Variants in UNC93B1 observed in about 807,000 individuals in gnomAD.
The protein encoded by UNC93B1 is protein unc-93 homolog B1.
In UNC93B1, 33 loss-of-function variants were observed where a neutral mutation model predicts 56.8. That is an observed-to-expected ratio of 0.58 (90% CI 0.44 to 0.78). UNC93B1 has a LOEUF of 0.78. Ranked by LOEUF, UNC93B1 falls within the 30% of genes least tolerant of loss-of-function variation. The probability of loss-of-function intolerance (pLI) is 0.00; values close to 1 mark genes in which losing one functional copy is unlikely to be tolerated. For synonymous variants in UNC93B1, 334 were observed against 358.6 expected (o/e 0.93, Z 0.77); for missense variants, 673 against 819.5 (o/e 0.82, Z 2.18).
At chr11:68,001,779 CAGA>C (rs1217734152) in intron 3 of UNC93B1, among the ~76,000 whole-genome samples, 1 of 151,696 alleles carries the variant, frequency 6.6e-6, no homozygotes, top group East Asian at 1.9e-4. Flanking sequence ...ACCGTATCTG[CAGA>C]AGATGCTACC....
At position 68,003,262 on chromosome 11, in the gene UNC93B1, A is replaced by G; in HGVS notation, c.239-87T>C. 2 of 1,381,238 alleles carry G rather than the reference A, an allele frequency of 1.4e-6. No individual in the cohort carries two copies. Among genetic ancestry groups the G allele is most frequent in the Non-Finnish European group, 1.9e-6 (2 of 1,048,484 alleles). 85.6% of individuals were successfully genotyped at this position (1,381,238 alleles called of 1,614,324 possible). A position where few individuals can be genotyped will look rare whatever the true frequency, so the allele number is the denominator to read the frequency against. ...AAGACGGCATGCAGGCCTCGCAGGGAGCTCCAATCACCGAAGGCATTCCCG... is the reference window on the plus strand; with the variant it reads ...AAGACGGCATGCAGGCCTCGCAGGGGGCTCCAATCACCGAAGGCATTCCCG... On this transcript the variant is annotated intron_variant, in intron 2 of 10. Coordinates refer to ENST00000227471, the MANE Select transcript of UNC93B1 (RefSeq NM_030930.4). This position sits in a 1 kb window ranked among gnomAD's most constrained non-coding sequence, Gnocchi z 4.4.
chr11:67,992,656 T>TC (rs1444595083), intron 10 of UNC93B1, among the ~76,000 whole-genome samples: 2 of 146,496 alleles, frequency 1.4e-5, no homozygotes, highest in Non-Finnish European at 3.0e-5. Flanking sequence ...GCTTTTCTTT[T>TC]TTTTTTTTCC....
chr11:68,002,209 C>CACACAT (rs1444288746), intron 3 of UNC93B1, among the ~76,000 whole-genome samples: 1 of 151,440 alleles, frequency 6.6e-6, no homozygotes, highest in Non-Finnish European at 1.5e-5. Flanking sequence ...CACACACACA[C>CACACAT]ACACACACAC....
chr11:67,999,705 G>A (rs920653250), intron 3 of UNC93B1, 25 bp from the exon 4 acceptor site: 1 of 1,605,214 alleles, frequency 6.2e-7, no homozygotes, highest in South Asian at 1.1e-5. Flanking sequence ...AGAGATGCTG[G>A]CACCACAGGC....
chr11:67,995,404 T>C (rs2240387), intron 9 of UNC93B1, among the ~76,000 whole-genome samples: 39,690 of 151,874 alleles, frequency 0.26, 5,701 homozygotes, highest in African/African-American at 0.37. Flanking sequence ...CCTACCCATC[T>C]GTCCCCAGTG....
intron 8 of UNC93B1, chr11:67,996,121 G>A (rs538028709): frequency 2.6e-5 from 7 of 270,678 alleles, no homozygotes; most frequent in East Asian, 1.9e-4. Context: ...ATCGCGGGGG[G>A]GTGCCTTACC....
chr11:67,995,128 C>T lies in UNC93B1; in HGVS notation c.1363+483G>A, dbSNP rs147120746. Reference sequence around the variant, plus strand: ...GGCCACTTGCTCCTACCACATGCTCCGTGAAGCAGAGACCAAAACATCTGC... The same window carrying T: ...GGCCACTTGCTCCTACCACATGCTCTGTGAAGCAGAGACCAAAACATCTGC... On this transcript the variant is annotated intron_variant, in intron 9 of 10. Transcript: ENST00000227471. 5.2e-3 allele frequency among the ~76,000 whole-genome samples: 792 copies of T among 152,268 alleles called. 4 individuals are homozygous for T. The highest frequency in any genetic ancestry group is 8.2e-3 in the Non-Finnish European group (559 of 67,998).
intron 3 of UNC93B1, among the ~76,000 whole-genome samples, chr11:68,000,937 G>A (rs1300485016): frequency 6.6e-6 from 1 of 152,056 alleles, no homozygotes; most frequent in African/African-American, 2.4e-5. Flanking sequence ...GCTCGTGCCT[G>A]TAATCCCAGC....
chr11:67,991,729 G>A lies in UNC93B1; in HGVS notation c.1611C>T (p.Arg537=), dbSNP rs753621609. Residue 537 remains arginine (R), a synonymous_variant, in exon 11 of 11, where the codon CGC becomes CGT. Transcript: ENST00000227471. The stretch of plus-strand genomic sequence containing the variant: ...TGTCCTCCTCCAAGTAGCGGTAACC[G>A]CGCACCTTGTGCTGGGGCCGCGGGA... ...PRIPRPQHKV[R]GYRYLEEDNS... is the part of the protein sequence containing the mutation. 6 of 1,537,208 alleles carry A rather than the reference G, an allele frequency of 3.9e-6. No individual in the cohort carries two copies. Among genetic ancestry groups the A allele is most frequent in the Non-Finnish European group, 5.2e-6 (6 of 1,148,714 alleles).
At chr11:68,000,425 GAGGTGGAGGTGGGC>G (rs1332291043) in intron 3 of UNC93B1, among the ~76,000 whole-genome samples, 4 of 152,186 alleles carry the variant, frequency 2.6e-5, no homozygotes, top group Non-Finnish European at 5.9e-5. Context: ...AGCACTTTAG[GAGGTGGAGGTGGGC>G]AGATCACCTG....
At chr11:67,996,115 CG>C (rs1250394267) in intron 8 of UNC93B1, 4 of 186,382 alleles carry the variant, frequency 2.1e-5, no homozygotes, top group African/African-American at 2.5e-5. Context: ...CCCCGCATCG[CG>C]GGGGGGTGCC....
intron 9 of UNC93B1, among the ~76,000 whole-genome samples, chr11:67,994,307 G>A (rs1281586916): frequency 6.6e-6 from 1 of 152,208 alleles, no homozygotes; most frequent in Non-Finnish European, 1.5e-5. Flanking sequence ...TCGTTCTCAG[G>A]GCTGTAATGT....
intron 3 of UNC93B1, among the ~76,000 whole-genome samples, chr11:68,002,594 C>T (rs1857064879): frequency 6.6e-6 from 1 of 152,152 alleles, no homozygotes; most frequent in Admixed American, 6.5e-5. Flanking sequence ...CCAGCCATGC[C>T]TGTCTGTGAG....
At position 68,003,450 on chromosome 11, in the gene UNC93B1, C is replaced by G. The variant is rs1857079571; in HGVS notation, c.238+207G>C. ...TCCGGGAGCCCGGACCCCCGTCCCC[C>G]ACCCACACCGAGGCTCTGGCTGGGA... is the stretch of plus-strand genomic sequence containing the variant. On this transcript the variant is annotated intron_variant, in intron 2 of 10. Coordinates refer to ENST00000227471, the MANE Select transcript of UNC93B1 (RefSeq NM_030930.4). The surrounding 1 kb of genome is among the most constrained non-coding windows in gnomAD (Gnocchi z 4.4). 1.2e-6 allele frequency: 1 copy of G among 866,086 alleles called. No individual in the cohort carries two copies. The highest frequency in any genetic ancestry group is 1.9e-5 in the South Asian group (1 of 51,490). The allele number at this position is 866,086 out of a possible 1,614,324, so 53.7% of individuals were successfully genotyped here. A position where few individuals can be genotyped will look rare whatever the true frequency, so the allele number is the denominator to read the frequency against.
At chr11:67,993,479 G>A (rs1435841479) in intron 10 of UNC93B1, among the ~76,000 whole-genome samples, 197 bp downstream of exon 10, 1 of 152,242 alleles carries the variant, frequency 6.6e-6, no homozygotes, top group Non-Finnish European at 1.5e-5. Context: ...CTCAGAGATG[G>A]GCAAACTGAG....
At chr11:67,993,933 G>A (rs772882814) in intron 9 of UNC93B1, 139 bp from the exon 10 acceptor site, 1 of 696,738 alleles carries the variant, frequency 1.4e-6, no homozygotes, top group Non-Finnish European at 2.6e-6. Flanking sequence ...AGTGCTGTGA[G>A]GCGGTCCTGG....
chr11:67,993,907 C>T (rs2134357002), intron 9 of UNC93B1, 113 bp from the exon 10 acceptor site: 1 of 776,162 alleles, frequency 1.3e-6, no homozygotes. Context: ...AGCCCCGGAC[C>T]AGAGAGCGCC....
chr11:67,996,835 C>G (rs971143207), intron 7 of UNC93B1, 51 bp from the exon 8 acceptor site: 2 of 1,471,184 alleles, frequency 1.4e-6, no homozygotes, highest in Non-Finnish European at 1.8e-6. Flanking sequence ...GGCCTGGCCT[C>G]CAGGCTTCAG....
chr11:67,991,686 C>T lies in UNC93B1; in HGVS notation c.1654G>A (p.Ala552Thr). Residue 552 changes from alanine to threonine, a missense_variant, in exon 11 of 11, where the codon GCG (alanine) becomes ACG (threonine). By Grantham distance (58) the Ala-to-Thr change is moderately conservative. Coordinates refer to ENST00000227471, the MANE Select transcript of UNC93B1 (RefSeq NM_030930.4). ...GCGCCGTCCCCATGCTCGCCCTCCG[C>T]GTCGCTCTCGTCCGAGTTGTCCTCC... Reference protein sequence around the residue: ...LEEDNSDESDAEGEHGDGAEE... With the variant: ...LEEDNSDESDTEGEHGDGAEE... The T allele has an allele frequency of 6.5e-7, 1 of 1,531,908 alleles. No homozygotes were observed. Among genetic ancestry groups the T allele is most frequent in the South Asian group, 1.2e-5 (1 of 83,902 alleles). The allele number at this position is 1,531,908 out of a possible 1,614,324, so 94.9% of individuals were successfully genotyped here. A position where few individuals can be genotyped will look rare whatever the true frequency, so the allele number is the denominator to read the frequency against.
Sources: gnomAD v4.1 joint callset for allele counts (sites outside exome capture counted in the v4.1 genomes callset) on GRCh38, gnomAD v4.1.1 for gene constraint, Gnocchi (gnomAD v3.1) non-coding constraint, MANE v1.5 for transcripts, NCBI Gene and HGNC (gene_info 2026-07-23, HGNC 2026-07-21) for gene names.